The following MACROD2 variants were observed in gnomAD, a reference collection of about 807,000 sequenced individuals.
MACROD2 encodes the protein ADP-ribose glycohydrolase MACROD2.
A neutral mutation model predicts 70.4 loss-of-function variants in MACROD2; 36 were observed. The ratio of observed to expected loss-of-function variants is 0.51; its 90% CI spans 0.39 to 0.68. MACROD2 has a LOEUF of 0.68. MACROD2 is among the 30% of genes least tolerant of loss of function. The pLI, the probability that MACROD2 is intolerant of heterozygous loss-of-function variation, is 0.00. For missense variants in MACROD2, 496 were observed against 538.4 expected (o/e 0.92, Z 0.78); for synonymous variants, 172 against 178.8 (o/e 0.96, Z 0.30).
At chr20:14,088,894 T>C (rs1762167935) in intron 3 of MACROD2, among the ~76,000 whole-genome samples, 1 of 152,368 alleles carries the variant, frequency 6.6e-6, no homozygotes, top group African/African-American at 2.4e-5. Context: ...CAGTTGGCTC[T>C]GGTGTTTTTT....
At chr20:14,967,789 A>C (rs2074652475) in intron 5 of MACROD2, among the ~76,000 whole-genome samples, 1 of 152,146 alleles carries the variant, frequency 6.6e-6, no homozygotes, top group Non-Finnish European at 1.5e-5. Context: ...AAATATTTTG[A>C]ACAAAACTTA....
At chr20:15,471,020 A>T (rs1242941011) in intron 7 of MACROD2, among the ~76,000 whole-genome samples, 2 of 152,004 alleles carry the variant, frequency 1.3e-5, no homozygotes, top group African/African-American at 4.8e-5. Flanking sequence ...TCCATCTTGG[A>T]TCCTATGGTT....
rs779229282 is a variant in MACROD2, at chr20:15,482,684, G to A, written c.572-17090G>A. 9.9e-5 allele frequency among the ~76,000 whole-genome samples: 15 copies of A among 152,150 alleles called. 1 individual carries two copies. The highest frequency in any genetic ancestry group is 2.2e-4 in the Non-Finnish European group (15 of 68,032). On this transcript the variant is annotated intron_variant, in intron 7 of 17. Coordinates refer to ENST00000684519, the MANE Select transcript of MACROD2 (RefSeq NM_001351661.2). ...GCTGTAACATTTTGTATCCCCACCG[G>A]CAATGAATGAGAGTCCCTGTTGTTC...
chr20:15,520,557 C>T (rs1223022150), intron 8 of MACROD2, among the ~76,000 whole-genome samples: 5 of 152,126 alleles, frequency 3.3e-5, no homozygotes, highest in African/African-American at 1.2e-4. Flanking sequence ...TAAGAGGAGC[C>T]TAGAGCTTCA....
intron 15 of MACROD2, among the ~76,000 whole-genome samples, chr20:15,987,597 A>T (rs1234647246): frequency 6.6e-6 from 1 of 152,190 alleles, no homozygotes; most frequent in Non-Finnish European, 1.5e-5. Context: ...ATGTTATATG[A>T]ACCTAAATTG....
At chr20:14,045,197 G>C (rs185223693) in intron 2 of MACROD2, among the ~76,000 whole-genome samples, 125 of 152,364 alleles carry the variant, frequency 8.2e-4, no homozygotes, top group Non-Finnish European at 1.3e-3. Context: ...GAGGGAGCCG[G>C]CTCCGGCCTT....
At chr20:15,126,887 A>G (rs1203499585) in intron 5 of MACROD2, among the ~76,000 whole-genome samples, 9 of 152,156 alleles carry the variant, frequency 5.9e-5, no homozygotes, top group Admixed American at 5.9e-4. Context: ...GTTGTTTAGA[A>G]ATTAGGTCAG....
rs139676675 is a variant in MACROD2 at position 15,555,142 on chromosome 20, G to A, written c.645+55295G>A. On this transcript the variant is annotated intron_variant, in intron 8 of 17. Coordinates refer to ENST00000684519, the MANE Select transcript of MACROD2 (RefSeq NM_001351661.2). Reference sequence around the variant, plus strand: ...AGGAGTGTGTGAAGGGGATCCCAGTGGGTGGGTGAGGAGGGAGTGAGAGGC... The same window carrying A: ...AGGAGTGTGTGAAGGGGATCCCAGTAGGTGGGTGAGGAGGGAGTGAGAGGC... Among the ~76,000 whole-genome samples, 329 of 152,276 alleles carry A rather than the reference G, an allele frequency of 2.2e-3. 2 individuals are homozygous for A. Among genetic ancestry groups the A allele is most frequent in the African/African-American group, 7.4e-3 (309 of 41,558 alleles).
At chr20:15,760,760 C>T (rs1260240140) in intron 8 of MACROD2, among the ~76,000 whole-genome samples, 1 of 152,134 alleles carries the variant, frequency 6.6e-6, no homozygotes, top group Non-Finnish European at 1.5e-5. Flanking sequence ...TCCTGAGTGA[C>T]CTTATGTGAA....
Position 15,831,415 on chromosome 20 carries a change from T to C in MACROD2, c.646-31330T>C, listed in dbSNP as rs149982559. The stretch of plus-strand genomic sequence containing the variant: ...GAAACCTGAATACCTGAAGAGTTAG[T>C]GCAATGTCTGGAGGGAGGAGCCTAA... On this transcript the variant is annotated intron_variant, in intron 8 of 17. Coordinates refer to ENST00000684519, the MANE Select transcript of MACROD2 (RefSeq NM_001351661.2). Among the ~76,000 whole-genome samples, 1,081 of 152,334 alleles carry C rather than the reference T, an allele frequency of 7.1e-3. 4 individuals carry two copies. The highest frequency in any genetic ancestry group is 0.014 in the Middle Eastern group (4 of 294).
chr20:16,018,258 C>T (rs551945772), intron 15 of MACROD2, among the ~76,000 whole-genome samples: 61 of 152,134 alleles, frequency 4.0e-4, no homozygotes, highest in Middle Eastern at 6.8e-3. Context: ...GTGAGATCAT[C>T]GGTTTAGGTA....
intron 3 of MACROD2, among the ~76,000 whole-genome samples, chr20:14,294,588 G>A (rs2082412077): frequency 6.6e-6 from 1 of 151,748 alleles, no homozygotes; most frequent in Non-Finnish European, 1.5e-5. Context: ...AAAGGAGCTT[G>A]AATATTTTGT....
chr20:15,818,064 G>A (rs1032460717), intron 8 of MACROD2, among the ~76,000 whole-genome samples: 1 of 152,046 alleles, frequency 6.6e-6, no homozygotes, highest in African/African-American at 2.4e-5. Flanking sequence ...TACATGTTTT[G>A]TCCCACCCTG....
chr20:15,970,329 A>C (rs557045584), intron 13 of MACROD2, among the ~76,000 whole-genome samples: 4 of 152,364 alleles, frequency 2.6e-5, no homozygotes, highest in African/African-American at 7.2e-5. Context: ...GGTATAAATC[A>C]ATACTGACAA....
chr20:15,503,181 C>T (rs1219208317), intron 8 of MACROD2, among the ~76,000 whole-genome samples: 1 of 151,964 alleles, frequency 6.6e-6, no homozygotes, highest in Non-Finnish European at 1.5e-5. Context: ...AATTTTTGGC[C>T]TGAGCTGCTG....
At chr20:15,893,624 T>C (rs2064922578) in intron 10 of MACROD2, 2 of 438,028 alleles carry the variant, frequency 4.6e-6, no homozygotes, top group Non-Finnish European at 9.1e-6. Context: ...GTTCTTTTCA[T>C]GTGAACCTCA....
intron 4 of MACROD2, among the ~76,000 whole-genome samples, chr20:14,645,710 A>AATATTGTT (rs1435105663): frequency 1.3e-5 from 2 of 152,026 alleles, no homozygotes; most frequent in Non-Finnish European, 2.9e-5. Context: ...TTCAAGTGAA[A>AATATTGTT]ATATTGTTAA....
intron 8 of MACROD2, among the ~76,000 whole-genome samples, chr20:15,617,353 C>T (rs950367148): frequency 1.3e-5 from 2 of 152,082 alleles, no homozygotes; most frequent in African/African-American, 4.8e-5. Flanking sequence ...TAACGTTTTT[C>T]CAGGATAGCC....
At chr20:13,999,805 A>G (rs1352346209) in intron 1 of MACROD2, among the ~76,000 whole-genome samples, 1 of 152,196 alleles carries the variant, frequency 6.6e-6, no homozygotes, top group East Asian at 1.9e-4. Context: ...TGGTAACCAC[A>G]TTGATAAAAG....
Sources: gnomAD v4.1 joint callset for allele counts (sites outside exome capture counted in the v4.1 genomes callset) on GRCh38, gnomAD v4.1.1 for gene constraint, MANE v1.5 for transcripts, NCBI Gene and HGNC (gene_info 2026-07-23, HGNC 2026-07-21) for gene names.